DERA: variants seen among roughly 807,000 people sequenced by gnomAD.
DERA encodes deoxyribose-phosphate aldolase, also known as 2-deoxy-D-ribose 5-phosphate aldolase.
DERA carries 15 observed loss-of-function variants against 41.1 expected under a neutral mutation model. The ratio of observed to expected loss-of-function variants is 0.37; its 90% CI spans 0.24 to 0.56. The LOEUF is 0.56. Ranked by LOEUF, DERA falls within the 20% of genes least tolerant of loss-of-function variation. DERA has a pLI of 0.81. For missense variants in DERA, 396 were observed against 403.4 expected (o/e 0.98, Z 0.16); for synonymous variants, 139 against 137.4 (o/e 1.01, Z -0.08).
At chr12:15,958,451 A>G (rs925807825) in intron 3 of DERA, 116 bp downstream of exon 3, 5 of 752,836 alleles carry the variant, frequency 6.6e-6, no homozygotes, top group Non-Finnish European at 9.8e-6. Context: ...CCATGATAGA[A>G]ACTCTTGCTG....
intron 5 of DERA, among the ~76,000 whole-genome samples, chr12:15,963,542 T>C (rs760351243): frequency 2.0e-5 from 3 of 152,208 alleles, no homozygotes; most frequent in Non-Finnish European, 4.4e-5. Flanking sequence ...TTTAAACAGA[T>C]ATTAAAGAAT....
intron 1 of DERA, among the ~76,000 whole-genome samples, chr12:15,951,662 A>AAT (rs1948498546): frequency 1.3e-5 from 2 of 152,192 alleles, no homozygotes. Flanking sequence ...ATATTAGGGG[A>AAT]ATATATAACG....
chr12:16,002,574 C>T (rs1306469607), intron 6 of DERA, among the ~76,000 whole-genome samples: 2 of 152,124 alleles, frequency 1.3e-5, no homozygotes, highest in Non-Finnish European at 2.9e-5. Flanking sequence ...CTCATCTCCT[C>T]ATGTGGTTAC....
At chr12:15,946,685 T>G (rs562371823) in intron 1 of DERA, among the ~76,000 whole-genome samples, 1 of 152,276 alleles carries the variant, frequency 6.6e-6, no homozygotes, top group Non-Finnish European at 1.5e-5. Flanking sequence ...AGCTCCTGGA[T>G]TCATTGATTT....
chr12:15,937,635 T>G (rs544807383), intron 1 of DERA, among the ~76,000 whole-genome samples: 1 of 152,362 alleles, frequency 6.6e-6, no homozygotes, highest in African/African-American at 2.4e-5. Context: ...AGTTTGATTC[T>G]TATGTTGTTA....
chr12:15,988,948 A>G lies in DERA; in HGVS notation c.637+6512A>G, dbSNP rs1285354994. Among the ~76,000 whole-genome samples, 1 of 152,174 alleles carries G rather than the reference A, an allele frequency of 6.6e-6. No homozygotes were observed. Among genetic ancestry groups the G allele is most frequent in the Non-Finnish European group, 1.5e-5 (1 of 68,032 alleles). Reference sequence around the variant, plus strand: ...TCAGCGCTGCCCTGAATGTGTGCACACTCAGCCAGATTGCGGCAGCATCCA... The same window carrying G: ...TCAGCGCTGCCCTGAATGTGTGCACGCTCAGCCAGATTGCGGCAGCATCCA... On this transcript the variant is annotated intron_variant, in intron 6 of 8. Transcript: ENST00000428559. The surrounding 1 kb of genome is among the most constrained non-coding windows in gnomAD (Gnocchi z 6.0).
Position 15,996,935 on chromosome 12 carries a change from A to G in DERA, c.637+14499A>G, listed in dbSNP as rs74065547. On this transcript the variant is annotated intron_variant, in intron 6 of 8. Transcript: ENST00000428559. The surrounding 1 kb of genome is among the most constrained non-coding windows in gnomAD (Gnocchi z 4.7). The stretch of plus-strand genomic sequence containing the variant: ...TAAGGTTCTCAATGGGAGATTAATG[A>G]CTAAAATAAAGAATGAGGCATTAGG... Among the ~76,000 whole-genome samples, 9,939 of 152,226 alleles carry G rather than the reference A, an allele frequency of 0.065. 1,038 individuals are homozygous for G. Among genetic ancestry groups the G allele is most frequent in the African/African-American group, 0.22 (9,151 of 41,494 alleles).
At chr12:15,962,697 G>T in intron 4 of DERA, 116 bp from the exon 5 acceptor site, 1 of 780,272 alleles carries the variant, frequency 1.3e-6, no homozygotes, top group Non-Finnish European at 2.0e-6. Context: ...TGGGGGTTTG[G>T]AATTCTTTGA....
rs562218362 is a variant in DERA, at chr12:16,015,686, G to T, written c.638-16856G>T. ...AACTATCTATTTAAACCAATGACGGGTTACATCTTGTTGATTAGAGAGGAG... is the reference window on the plus strand; with the variant it reads ...AACTATCTATTTAAACCAATGACGGTTTACATCTTGTTGATTAGAGAGGAG... On this transcript the variant is annotated intron_variant, in intron 6 of 8. Transcript: ENST00000428559. Among the ~76,000 whole-genome samples the T allele has an allele frequency of 2.6e-4, 40 of 152,314 alleles. 1 individual carries two copies. The South Asian group carries it at 8.3e-3, about 32-fold the overall frequency.
Position 15,913,609 on chromosome 12 carries a change from A to G in DERA, c.31+2195A>G, listed in dbSNP as rs1167316890. Among the ~76,000 whole-genome samples the G allele has an allele frequency of 1.3e-5, 2 of 152,242 alleles. No individual in the cohort carries two copies. Among genetic ancestry groups the G allele is most frequent in the Non-Finnish European group, 2.9e-5 (2 of 68,034 alleles). ...GTTAGCACAAAAATGTTGTAATATT[A>G]TTACTAGTCCAATCACTGTTATTTA... is the stretch of plus-strand genomic sequence containing the variant. On this transcript the variant is annotated intron_variant, in intron 1 of 8. Transcript: ENST00000428559. The surrounding 1 kb of genome is among the most constrained non-coding windows in gnomAD (Gnocchi z 4.5).
rs1206112996 is a variant in DERA, at chr12:15,985,542, A to G, written c.637+3106A>G. Among the ~76,000 whole-genome samples the G allele has an allele frequency of 1.3e-5, 2 of 149,346 alleles. No individual in the cohort carries two copies. The highest frequency in any genetic ancestry group is 3.0e-5 in the Non-Finnish European group (2 of 67,552). On this transcript the variant is annotated intron_variant, in intron 6 of 8. Transcript: ENST00000428559. The surrounding 1 kb of genome is among the most constrained non-coding windows in gnomAD (Gnocchi z 4.2). ...CTTTGCCAATTTTATTAATCTTTTCAGAGAGCCAAGTTTTTATTTTGTTGT... is the reference window on the plus strand; with the variant it reads ...CTTTGCCAATTTTATTAATCTTTTCGGAGAGCCAAGTTTTTATTTTGTTGT...
rs936013819 is a variant in DERA, at chr12:16,009,274, T to G, written c.638-23268T>G. Among the ~76,000 whole-genome samples the G allele has an allele frequency of 6.6e-6, 1 of 152,226 alleles. No individual in the cohort carries two copies. On this transcript the variant is annotated intron_variant, in intron 6 of 8. Transcript: ENST00000428559. The surrounding 1 kb of genome is among the most constrained non-coding windows in gnomAD (Gnocchi z 5.3). Reference sequence around the variant, plus strand: ...AGAACAATGGAATATTGGATTAAATTCAGCCCCTGGAGAGTGGAAATCCTA... The same window carrying G: ...AGAACAATGGAATATTGGATTAAATGCAGCCCCTGGAGAGTGGAAATCCTA...
chr12:15,981,661 G>A lies in DERA; in HGVS notation c.509-647G>A, dbSNP rs942547698. ...TGTGGAACCCTCCAAAGCCAGATGT[G>A]GTACTGGGGTCATGGGCTCAGGGGT... On this transcript the variant is annotated intron_variant, in intron 5 of 8. Coordinates refer to ENST00000428559, the MANE Select transcript of DERA (RefSeq NM_015954.4). This position sits in a 1 kb window ranked among gnomAD's most constrained non-coding sequence, Gnocchi z 6.1. Among the ~76,000 whole-genome samples the A allele has an allele frequency of 2.0e-5, 3 of 152,166 alleles. No homozygotes were observed. The highest frequency in any genetic ancestry group is 4.4e-5 in the Non-Finnish European group (3 of 68,036).
Position 15,940,434 on chromosome 12 carries a change from C to T in DERA, c.32-16502C>T, listed in dbSNP as rs1050587464. Among the ~76,000 whole-genome samples, 8 of 152,082 alleles carry T rather than the reference C, an allele frequency of 5.3e-5. No individual in the cohort carries two copies. ...TGGCATGATCTTGGCTCACTGCAAC[C>T]TCCACCTCCCGGGTTCAAACGATTC... On this transcript the variant is annotated intron_variant, in intron 1 of 8. Coordinates refer to ENST00000428559, the MANE Select transcript of DERA (RefSeq NM_015954.4). The surrounding 1 kb of genome is among the most constrained non-coding windows in gnomAD (Gnocchi z 5.1).
chr12:16,031,927 GTTATT>G (rs1176426110), intron 6 of DERA, among the ~76,000 whole-genome samples: 3 of 152,168 alleles, frequency 2.0e-5, no homozygotes, highest in African/African-American at 7.2e-5. Flanking sequence ...GTCTCCTTGT[GTTATT>G]TTGTTAAACT....
chr12:16,016,803 AAAAAAAAAAAAAAAAG>A (rs1948985506), intron 6 of DERA, among the ~76,000 whole-genome samples: 1 of 150,930 alleles, frequency 6.6e-6, no homozygotes, highest in African/African-American at 2.4e-5. Flanking sequence ...AAAAAAAAAA[AAAAAAAAAAAAAAAAG>A]AAAGAAAGAT....
chr12:15,927,198 C>G (rs1167514191), intron 1 of DERA, among the ~76,000 whole-genome samples: 1 of 152,170 alleles, frequency 6.6e-6, no homozygotes, highest in Non-Finnish European at 1.5e-5. Flanking sequence ...TTAATATTTA[C>G]TGATTACTTA....
chr12:15,954,033 A>G lies in DERA; in HGVS notation c.32-2903A>G, dbSNP rs1384638676. 6.6e-6 allele frequency among the ~76,000 whole-genome samples: 1 copy of G among 152,206 alleles called. No individual in the cohort carries two copies. The highest frequency in any genetic ancestry group is 1.5e-5 in the Non-Finnish European group (1 of 68,028). ...GAAATCCTATTACATTCTCCAGTAG[A>G]TGGTTTGCAGGGACCTCTGGCAAGA... On this transcript the variant is annotated intron_variant, in intron 1 of 8. Transcript: ENST00000428559. This position sits in a 1 kb window ranked among gnomAD's most constrained non-coding sequence, Gnocchi z 4.0.
At position 15,966,055 on chromosome 12, in the gene DERA, G is replaced by A. The variant is rs1022101823; in HGVS notation, c.508+3108G>A. Among the ~76,000 whole-genome samples the A allele has an allele frequency of 2.6e-5, 4 of 152,034 alleles. No individual in the cohort carries two copies. The highest frequency in any genetic ancestry group is 7.2e-5 in the African/African-American group (3 of 41,380). On this transcript the variant is annotated intron_variant, in intron 5 of 8. Coordinates refer to ENST00000428559, the MANE Select transcript of DERA (RefSeq NM_015954.4). The surrounding 1 kb of genome is among the most constrained non-coding windows in gnomAD (Gnocchi z 5.1). Reference sequence around the variant, plus strand: ...TTCCTTTTCCTTCATCCCCAGCAACGTCCTCCTTTCTTCTCTTCCCTTCAT... The same window carrying A: ...TTCCTTTTCCTTCATCCCCAGCAACATCCTCCTTTCTTCTCTTCCCTTCAT...
Sources: allele counts gnomAD v4.1 joint callset (sites outside exome capture counted in the v4.1 genomes callset), GRCh38; gene constraint gnomAD v4.1.1; non-coding constraint Gnocchi (gnomAD v3.1); transcripts MANE v1.5; gene names NCBI Gene and HGNC (gene_info 2026-07-23, HGNC 2026-07-21).